PRR5L: variants seen among roughly 807,000 people sequenced by gnomAD.
The protein encoded by PRR5L is proline-rich protein 5-like.
In PRR5L, 21 loss-of-function variants were observed where a neutral mutation model predicts 36.4. The ratio of observed to expected loss-of-function variants is 0.58; its 90% CI spans 0.41 to 0.83. The LOEUF (loss-of-function observed/expected upper bound fraction) is 0.83. PRR5L is among the 40% of genes least tolerant of loss of function. PRR5L has a pLI of 0.00. For synonymous variants in PRR5L, 188 were observed against 197.0 expected (o/e 0.95, Z 0.38); for missense variants, 381 against 473.3 (o/e 0.80, Z 1.81).
intron 1 of PRR5L, chr11:36,321,431 A>C (rs1320523331): frequency 1.3e-5 from 2 of 152,224 alleles, no homozygotes; most frequent in Admixed American, 1.3e-4. Flanking sequence ...AGCTTCTAGC[A>C]TATGTCCTCT....
At chr11:36,355,657 C>T (rs902013684) in intron 1 of PRR5L, among the ~76,000 whole-genome samples, 4 of 149,844 alleles carry the variant, frequency 2.7e-5, no homozygotes, top group African/African-American at 9.9e-5. Context: ...TCAAGTGATT[C>T]TCCAGCCTCA....
intron 1 of PRR5L, among the ~76,000 whole-genome samples, chr11:36,334,998 T>C (rs1207144829): frequency 2.0e-5 from 3 of 152,230 alleles, no homozygotes; most frequent in African/African-American, 7.2e-5. Flanking sequence ...GGTATTGCTT[T>C]TGAAATGCTG....
At chr11:36,409,266 C>T (rs964863651) in intron 3 of PRR5L, among the ~76,000 whole-genome samples, 2 of 152,162 alleles carry the variant, frequency 1.3e-5, no homozygotes, top group Non-Finnish European at 2.9e-5. Context: ...GACTTTTTCT[C>T]GGCAGAAATA....
rs910230403 is a variant in PRR5L, at chr11:36,387,026, A to T, written c.-125-13971A>T. Among the ~76,000 whole-genome samples, 4 of 152,310 alleles carry T rather than the reference A, an allele frequency of 2.6e-5. No homozygotes were observed. In the South Asian group the frequency reaches 8.3e-4, roughly 32 times the overall value. On this transcript the variant is annotated intron_variant, in intron 1 of 8. Transcript: ENST00000530639. ...TGGCGCAGGGGCAGGCGTGGGGTCC[A>T]GATCTAGTCTCCTATGCTGGCTTGG...
At chr11:36,357,203 G>A (rs1857036919) in intron 1 of PRR5L, among the ~76,000 whole-genome samples, 1 of 152,178 alleles carries the variant, frequency 6.6e-6, no homozygotes, top group Admixed American at 6.5e-5. Flanking sequence ...TTAATCCTAT[G>A]AAGCCTGAGC....
At position 36,314,255 on chromosome 11, in the gene PRR5L, C is replaced by T. The variant is rs531813543; in HGVS notation, c.-126+17817C>T. Among the ~76,000 whole-genome samples the T allele has an allele frequency of 7.4e-4, 113 of 152,218 alleles. No individual in the cohort carries two copies. In the South Asian group the frequency reaches 0.023, roughly 31 times the overall value. On this transcript the variant is annotated intron_variant, in intron 1 of 8. Coordinates refer to ENST00000530639, the MANE Select transcript of PRR5L (RefSeq NM_001160167.2). ...AGTTCCCTGTAAATTATTTACGTAA[C>T]TTGGATGGGAGGACAGCTGGTCCCT...
intron 1 of PRR5L, among the ~76,000 whole-genome samples, chr11:36,359,020 C>T (rs1321166537): frequency 6.6e-6 from 1 of 152,192 alleles, no homozygotes; most frequent in Non-Finnish European, 1.5e-5. Context: ...TGGACCCACA[C>T]TGACTTGCAG....
intron 1 of PRR5L, among the ~76,000 whole-genome samples, chr11:36,381,176 C>T (rs1857361339): frequency 6.6e-6 from 1 of 152,170 alleles, no homozygotes. Context: ...TTACCAAATG[C>T]CGGCAACACT....
intron 3 of PRR5L, among the ~76,000 whole-genome samples, chr11:36,408,957 C>T (rs1857969579): frequency 6.6e-6 from 1 of 151,998 alleles, no homozygotes; most frequent in South Asian, 2.1e-4. Context: ...AGTGCTCTGC[C>T]CAGTACTGGG....
At chr11:36,355,212 T>G (rs1292786402) in intron 1 of PRR5L, among the ~76,000 whole-genome samples, 3 of 152,218 alleles carry the variant, frequency 2.0e-5, no homozygotes, top group African/African-American at 7.2e-5. Flanking sequence ...TGTTTTACGG[T>G]GGCAAAGAGA....
intron 1 of PRR5L, among the ~76,000 whole-genome samples, chr11:36,370,640 G>A (rs1232684333): frequency 6.6e-6 from 1 of 152,172 alleles, no homozygotes; most frequent in African/African-American, 2.4e-5. Context: ...CCAGCACTTT[G>A]GGAGGCCAAC....
At chr11:36,320,239 C>CTT (rs34085047) in intron 1 of PRR5L, among the ~76,000 whole-genome samples, 71 of 94,858 alleles carry the variant, frequency 7.5e-4, no homozygotes, top group Non-Finnish European at 7.9e-4. Context: ...AACTGGGAAT[C>CTT]TTTTTTTTTT....
chr11:36,314,703 C>T (rs1181731626), intron 1 of PRR5L, among the ~76,000 whole-genome samples: 1 of 152,214 alleles, frequency 6.6e-6, no homozygotes. Context: ...TCATACACAT[C>T]GCAGCCCAAC....
intron 1 of PRR5L, among the ~76,000 whole-genome samples, chr11:36,378,873 T>C (rs551025537): frequency 6.6e-6 from 1 of 152,352 alleles, no homozygotes; most frequent in East Asian, 1.9e-4. Flanking sequence ...AAGTAATTTG[T>C]CTAAAGCCAT....
In PRR5L at chr11:36,462,391, C is replaced by G. The variant is rs1389894114; in HGVS notation, c.762C>G (p.Ala254=). 5.8e-6 allele frequency: 9 copies of G among 1,556,294 alleles called. No homozygotes were observed. Among genetic ancestry groups the G allele is most frequent in the Non-Finnish European group, 7.8e-6 (9 of 1,148,720 alleles). The part of the protein sequence containing the change: ...VRPKVTVLNY[A]SPITAVSRPL... ...CCAAGGTGACTGTCCTGAACTATGC[C>G]TCCCCGATAACCGCAGTCAGCCGGC... Residue 254 remains alanine (A), a synonymous_variant, in exon 9 of 9, where the codon GCC becomes GCG. Coordinates refer to ENST00000530639, the MANE Select transcript of PRR5L (RefSeq NM_001160167.2).
At chr11:36,399,407 C>T (rs911663021) in intron 1 of PRR5L, among the ~76,000 whole-genome samples, 9 of 152,184 alleles carry the variant, frequency 5.9e-5, no homozygotes, top group African/African-American at 1.7e-4. Context: ...TAACACCTCC[C>T]GTGCCCTCTC....
At chr11:36,460,401 A>C (rs1238835721) in intron 8 of PRR5L, among the ~76,000 whole-genome samples, 2 of 151,896 alleles carry the variant, frequency 1.3e-5, no homozygotes, top group African/African-American at 4.8e-5. Flanking sequence ...CCCTCCCCCA[A>C]GTCTGCCGTT....
Position 36,377,012 on chromosome 11 carries a change from T to C in PRR5L, c.-125-23985T>C, listed in dbSNP as rs139237433. On this transcript the variant is annotated intron_variant, in intron 1 of 8. Transcript: ENST00000530639. This position sits in a 1 kb window ranked among gnomAD's most constrained non-coding sequence, Gnocchi z 5.1. ...GTTGAAGTACCGCCGTGAGGTGGGA[T>C]GCGGATGCTGGTGATCATGGGACCT... Among the ~76,000 whole-genome samples the C allele has an allele frequency of 7.3e-3, 1,110 of 152,232 alleles. 13 individuals carry two copies. Among genetic ancestry groups the C allele is most frequent in the African/African-American group, 0.023 (946 of 41,562 alleles).
At position 36,431,883 on chromosome 11, in the gene PRR5L, G is replaced by A. The variant is rs1295876752; in HGVS notation, c.325G>A (p.Val109Met). The A allele has an allele frequency of 6.2e-7, 1 of 1,614,132 alleles. No homozygotes were observed. The highest frequency in any genetic ancestry group is 8.5e-7 in the Non-Finnish European group (1 of 1,179,996). Residue 109 changes from valine (V) to methionine (M), a missense_variant, in exon 5 of 9, where the codon GTG becomes ATG. Val to Met is a conservative substitution (Grantham distance 21). Coordinates refer to ENST00000530639, the MANE Select transcript of PRR5L (RefSeq NM_001160167.2). Reference protein sequence around the residue: ...NQLLAKGLFFVEEKIKLCEGE... With the variant: ...NQLLAKGLFFMEEKIKLCEGE... ...GCTTCTTGCAAAAGGACTGTTCTTT[G>A]TGGAGGAGAAGATCAAGCTGTGTGA...
Sources: allele counts gnomAD v4.1 joint callset (sites outside exome capture counted in the v4.1 genomes callset), GRCh38; gene constraint gnomAD v4.1.1; non-coding constraint Gnocchi (gnomAD v3.1); transcripts MANE v1.5; gene names NCBI Gene and HGNC (gene_info 2026-07-23, HGNC 2026-07-21).